Variants in PLXDC2 observed in about 807,000 individuals in gnomAD.
The protein encoded by PLXDC2 is plexin domain-containing protein 2.
In PLXDC2, 40 loss-of-function variants were observed where a neutral mutation model predicts 68.9. The observed-to-expected ratio is 0.58, with a 90% CI of 0.45 to 0.76. The LOEUF is 0.76. PLXDC2 is among the 30% of genes least tolerant of loss of function. PLXDC2 has a pLI of 0.00. For missense variants in PLXDC2, 644 were observed against 661.9 expected, an observed-to-expected ratio of 0.97 and a Z score of 0.30; for synonymous variants, 243 against 234.2, an observed-to-expected ratio of 1.04 and a Z score of -0.34.
chr10:20,052,765 A>C, intron 3 of PLXDC2, among the ~76,000 whole-genome samples: 1 of 151,916 alleles, frequency 6.6e-6, no homozygotes, highest in African/African-American at 2.4e-5. Flanking sequence ...AAAGAAAAGA[A>C]AGATTTAGCT....
At chr10:19,925,206 G>C (rs902067840) in intron 1 of PLXDC2, among the ~76,000 whole-genome samples, 3 of 151,940 alleles carry the variant, frequency 2.0e-5, no homozygotes, top group Admixed American at 2.0e-4. Context: ...TTGCAGCTCA[G>C]CTGGAACCAG....
intron 7 of PLXDC2, among the ~76,000 whole-genome samples, chr10:20,175,266 A>T (rs1280878084): frequency 6.6e-6 from 1 of 152,186 alleles, no homozygotes; most frequent in Admixed American, 6.6e-5. Flanking sequence ...TATAGGTGCT[A>T]TTATCCCTGT....
At chr10:20,124,770 G>A (rs1429394709) in intron 4 of PLXDC2, among the ~76,000 whole-genome samples, 1 of 152,084 alleles carries the variant, frequency 6.6e-6, no homozygotes, top group Non-Finnish European at 1.5e-5. Flanking sequence ...GATGAGCCAG[G>A]AGAAGGAATT....
chr10:19,921,439 T>C (rs902169591), intron 1 of PLXDC2, among the ~76,000 whole-genome samples: 1 of 152,214 alleles, frequency 6.6e-6, no homozygotes, highest in Non-Finnish European at 1.5e-5. Flanking sequence ...TCCCTTCTTC[T>C]GGAAAGCTAT....
intron 6 of PLXDC2, 69 bp downstream of exon 6, chr10:20,147,971 A>C (rs1195503275): frequency 9.2e-7 from 1 of 1,091,506 alleles, no homozygotes; most frequent in Non-Finnish European, 1.4e-6. Context: ...TCCAAATGTC[A>C]AGAAAGGGAC....
At chr10:20,260,618 C>A (rs1345648724) in intron 13 of PLXDC2, among the ~76,000 whole-genome samples, 1 of 152,136 alleles carries the variant, frequency 6.6e-6, no homozygotes, top group Non-Finnish European at 1.5e-5. Context: ...TCTGTTGTTT[C>A]CATGTTTTGG....
At chr10:19,997,596 A>C (rs1834863690) in intron 1 of PLXDC2, among the ~76,000 whole-genome samples, 1 of 152,246 alleles carries the variant, frequency 6.6e-6, no homozygotes, top group Admixed American at 6.5e-5. Context: ...ACTATTAATT[A>C]AATGCAAGAT....
chr10:19,978,206 G>T (rs951180965), intron 1 of PLXDC2, among the ~76,000 whole-genome samples: 14 of 152,134 alleles, frequency 9.2e-5, no homozygotes, highest in Non-Finnish European at 1.6e-4. Context: ...GAGTTTTATA[G>T]TAATAGCAGA....
intron 13 of PLXDC2, among the ~76,000 whole-genome samples, chr10:20,263,258 A>G (rs1372456295): frequency 6.6e-6 from 1 of 152,202 alleles, no homozygotes; most frequent in Non-Finnish European, 1.5e-5. Flanking sequence ...ACAATGGGGA[A>G]AAGACTCCCT....
intron 1 of PLXDC2, among the ~76,000 whole-genome samples, chr10:19,984,391 A>G (rs1252858311): frequency 6.6e-6 from 1 of 152,214 alleles, no homozygotes; most frequent in African/African-American, 2.4e-5. Context: ...GACATTGTGT[A>G]AAGTCAAAGT....
intron 9 of PLXDC2, among the ~76,000 whole-genome samples, chr10:20,201,763 T>C (rs760700140): frequency 2.0e-5 from 3 of 152,052 alleles, no homozygotes; most frequent in Non-Finnish European, 4.4e-5. Context: ...CATATATCAA[T>C]TAAAAGATTT....
intron 1 of PLXDC2, among the ~76,000 whole-genome samples, chr10:19,971,876 G>T (rs571915117): frequency 6.6e-6 from 1 of 152,128 alleles, no homozygotes; most frequent in African/African-American, 2.4e-5. Context: ...TTGCCATGCC[G>T]AGAGGAAGAA....
chr10:20,038,473 A>G (rs1285157197), intron 2 of PLXDC2, among the ~76,000 whole-genome samples: 1 of 152,132 alleles, frequency 6.6e-6, no homozygotes, highest in African/African-American at 2.4e-5. Context: ...ATTGAATTTA[A>G]TTCTTCTGAC....
Position 20,279,761 on chromosome 10 carries a change from A to G in PLXDC2, c.1532A>G (p.Tyr511Cys), listed in dbSNP as rs964764527. 5 of 1,614,030 alleles carry G rather than the reference A, an allele frequency of 3.1e-6. No individual in the cohort carries two copies. Among genetic ancestry groups the G allele is most frequent in the Non-Finnish European group, 4.2e-6 (5 of 1,179,944 alleles). ...KFRRGSGHPA[Y>C]AEVEPVGEKE... is the part of the protein sequence containing the mutation. ...AGAAGAGGCTCTGGACATCCTGCCT[A>G]TGCTGAAGTTGAACCAGTTGGAGAG... is the stretch of plus-strand genomic sequence containing the variant. Residue 511 changes from tyrosine to cysteine, a missense_variant, in exon 14 of 14, where the codon TAT becomes TGT. This residue lies in a region of PLXDC2 where 330 missense variants were observed against 327.9 expected (regional missense o/e 1.01). Transcript: ENST00000377252.
At chr10:19,913,250 T>C (rs185158971) in intron 1 of PLXDC2, among the ~76,000 whole-genome samples, 33 of 152,238 alleles carry the variant, frequency 2.2e-4, no homozygotes, top group Admixed American at 3.9e-4. Flanking sequence ...GCTGTTCTTG[T>C]GATAGAGGTG....
intron 4 of PLXDC2, among the ~76,000 whole-genome samples, chr10:20,123,171 G>A (rs1227265177): frequency 6.6e-6 from 1 of 152,144 alleles, no homozygotes; most frequent in Non-Finnish European, 1.5e-5. Flanking sequence ...GTGGAGGAGT[G>A]GAGGCTGAGG....
chr10:19,983,073 A>G (rs959330180), intron 1 of PLXDC2, among the ~76,000 whole-genome samples: 56 of 152,186 alleles, frequency 3.7e-4, no homozygotes, highest in African/African-American at 1.3e-3. Flanking sequence ...AATTACTTAT[A>G]TCACATTTGA....
At chr10:20,195,171 C>T (rs955862781) in intron 9 of PLXDC2, among the ~76,000 whole-genome samples, 2 of 152,006 alleles carry the variant, frequency 1.3e-5, no homozygotes, top group African/African-American at 2.4e-5. Flanking sequence ...GATGAGATCA[C>T]CTTGGGTGCA....
chr10:20,092,508 T>G (rs1273905473), intron 4 of PLXDC2, among the ~76,000 whole-genome samples: 1 of 152,146 alleles, frequency 6.6e-6, no homozygotes, highest in Non-Finnish European at 1.5e-5. Context: ...TAAAAATGCT[T>G]ACAAGGTGTT....
Sources: allele counts gnomAD v4.1 joint callset (sites outside exome capture counted in the v4.1 genomes callset), GRCh38; gene constraint gnomAD v4.1.1; regional missense constraint gnomAD v4.1.1; transcripts MANE v1.5; gene names NCBI Gene and HGNC (gene_info 2026-07-23, HGNC 2026-07-21).